Variants in PHACTR1 observed in about 807,000 individuals in gnomAD.
The protein encoded by PHACTR1 is phosphatase and actin regulator 1, also known as RPEL repeat containing 1.
In PHACTR1, 16 loss-of-function variants were observed where a neutral mutation model predicts 69.2. The observed-to-expected ratio is 0.23, with a 90% confidence interval of 0.16 to 0.35. PHACTR1 has a LOEUF of 0.35. Ranked by LOEUF, PHACTR1 falls within the 10% of genes least tolerant of loss-of-function variation. The pLI, the probability that PHACTR1 is intolerant of heterozygous loss-of-function variation, is 1.00. For missense variants in PHACTR1, 510 were observed against 734.7 expected, an observed-to-expected ratio of 0.69 and a Z score of 3.54; for synonymous variants, 312 against 284.5, an observed-to-expected ratio of 1.10 and a Z score of -0.97.
chr6:12,856,991 A>T (rs891222669), intron 4 of PHACTR1, among the ~76,000 whole-genome samples: 1 of 152,158 alleles, frequency 6.6e-6, no homozygotes, highest in Non-Finnish European at 1.5e-5. Context: ...CTCTTTTGAA[A>T]CGGGGGGTTA....
intron 5 of PHACTR1, among the ~76,000 whole-genome samples, chr6:13,063,881 G>C (rs1808084220): frequency 1.3e-5 from 2 of 152,112 alleles, no homozygotes; most frequent in African/African-American, 2.4e-5. Context: ...GCTCATGAAG[G>C]GTCTTATGAG....
In PHACTR1 at chr6:13,035,509, G is replaced by A. The variant is rs144777722; in HGVS notation, c.251-17856G>A. 5.3e-4 allele frequency among the ~76,000 whole-genome samples: 81 copies of A among 151,982 alleles called. 1 individual carries two copies. In the East Asian group the frequency reaches 0.015, roughly 28 times the overall value. ...AATTCCTACAACCTTATTTTAAAAT[G>A]CAAGCAATTCTCTAGGTAAAAATAA... is the stretch of plus-strand genomic sequence containing the variant. On this transcript the variant is annotated intron_variant, in intron 4 of 14. Transcript: ENST00000332995.
At chr6:12,754,755 T>G (rs9357486) in intron 4 of PHACTR1, among the ~76,000 whole-genome samples, 1 of 152,198 alleles carries the variant, frequency 6.6e-6, no homozygotes. Flanking sequence ...AAAAAATGAA[T>G]GGCTGCGTCT....
chr6:13,000,642 G>A (rs1183864904), intron 4 of PHACTR1, among the ~76,000 whole-genome samples: 22 of 53,670 alleles, frequency 4.1e-4, no homozygotes, highest in South Asian at 7.5e-4. Flanking sequence ...GGAAGGAAGG[G>A]GGGAGGGAGG....
At chr6:13,169,615 A>C (rs1760306650) in intron 6 of PHACTR1, among the ~76,000 whole-genome samples, 1 of 152,206 alleles carries the variant, frequency 6.6e-6, no homozygotes, top group Non-Finnish European at 1.5e-5. Flanking sequence ...AAGCCAACAC[A>C]AGAGACTGTT....
At chr6:13,150,558 A>G (rs1363303180) in intron 5 of PHACTR1, among the ~76,000 whole-genome samples, 4 of 152,150 alleles carry the variant, frequency 2.6e-5, no homozygotes, top group African/African-American at 4.8e-5. Context: ...TTTATTGAAT[A>G]TGTTTAGCAT....
chr6:12,927,287 C>T (rs1056980180), intron 4 of PHACTR1, among the ~76,000 whole-genome samples: 1 of 152,220 alleles, frequency 6.6e-6, no homozygotes, highest in African/African-American at 2.4e-5. Context: ...TCCCTGAGGA[C>T]ATCTGCCTCT....
At chr6:13,106,244 A>G (rs868199322) in intron 5 of PHACTR1, among the ~76,000 whole-genome samples, 2 of 152,156 alleles carry the variant, frequency 1.3e-5, no homozygotes, top group Middle Eastern at 6.8e-3. Context: ...ATAAATATTT[A>G]TTTCTTCCTT....
At position 12,969,620 on chromosome 6, in the gene PHACTR1, T is replaced by G. The variant is rs115464627; in HGVS notation, c.251-83745T>G. Among the ~76,000 whole-genome samples the G allele has an allele frequency of 9.5e-3, 1,439 of 152,160 alleles. 22 individuals carry two copies. Among genetic ancestry groups the G allele is most frequent in the African/African-American group, 0.032 (1,348 of 41,502 alleles). On this transcript the variant is annotated intron_variant, in intron 4 of 14. Transcript: ENST00000332995. ...AATACTTAGACACATAATTGAGAAC[T>G]CAGAATCTTGCACCAAAAAAATATC...
intron 4 of PHACTR1, among the ~76,000 whole-genome samples, chr6:12,986,077 C>T (rs933817975): frequency 4.6e-5 from 7 of 152,138 alleles, no homozygotes; most frequent in Non-Finnish European, 8.8e-5. Context: ...CTCAGGTGAT[C>T]CACCTGCCTC....
chr6:12,891,395 C>A (rs1784158689), intron 4 of PHACTR1, among the ~76,000 whole-genome samples: 1 of 152,090 alleles, frequency 6.6e-6, no homozygotes, highest in Non-Finnish European at 1.5e-5. Flanking sequence ...ACAAAGGAGA[C>A]CTCCCTAAAT....
intron 4 of PHACTR1, among the ~76,000 whole-genome samples, chr6:12,913,543 T>A (rs1396055325): frequency 6.6e-6 from 1 of 152,198 alleles, no homozygotes; most frequent in Non-Finnish European, 1.5e-5. Context: ...CCCTGCATGC[T>A]CTCTAGTACG....
chr6:12,735,704 T>G (rs1289082187), intron 3 of PHACTR1, among the ~76,000 whole-genome samples: 1 of 152,104 alleles, frequency 6.6e-6, no homozygotes, highest in Non-Finnish European at 1.5e-5. Flanking sequence ...TAAAGAAGAG[T>G]TAGAGCAAAG....
At chr6:12,821,317 G>A (rs886795997) in intron 4 of PHACTR1, among the ~76,000 whole-genome samples, 7 of 152,044 alleles carry the variant, frequency 4.6e-5, no homozygotes, top group African/African-American at 1.7e-4. Flanking sequence ...ACAAAAATTA[G>A]CCAGGCACAG....
chr6:13,170,360 A>T (rs947969985), intron 6 of PHACTR1, among the ~76,000 whole-genome samples: 1 of 152,168 alleles, frequency 6.6e-6, no homozygotes, highest in African/African-American at 2.4e-5. Context: ...TCCACCATGA[A>T]ACCACCCTTT....
rs531478831 is a variant in PHACTR1, at chr6:13,010,893, A to G, written c.251-42472A>G. Among the ~76,000 whole-genome samples, 13 of 152,212 alleles carry G rather than the reference A, an allele frequency of 8.5e-5. No individual in the cohort carries two copies. The South Asian group carries it at 2.7e-3, about 32-fold the overall frequency. On this transcript the variant is annotated intron_variant, in intron 4 of 14. Transcript: ENST00000332995. ...TCTTCACTGAGGCAGCATTCAGGGT[A>G]CAGAGCAGGGTCAAGAGGAAATGCG...
At chr6:13,252,054 TAAA>T (rs551938563) in intron 10 of PHACTR1, among the ~76,000 whole-genome samples, 1 of 134,762 alleles carries the variant, frequency 7.4e-6, no homozygotes, top group African/African-American at 2.7e-5. Context: ...GATCCTGCCT[TAAA>T]AAAAAAAAAA....
In PHACTR1 at chr6:12,812,481, G is replaced by C. The variant is rs145943135; in HGVS notation, c.250+62691G>C. 1.5e-3 allele frequency among the ~76,000 whole-genome samples: 226 copies of C among 152,236 alleles called. 1 individual carries two copies. The highest frequency in any genetic ancestry group is 4.4e-3 in the African/African-American group (184 of 41,544). On this transcript the variant is annotated intron_variant, in intron 4 of 14. Coordinates refer to ENST00000332995, the MANE Select transcript of PHACTR1 (RefSeq NM_030948.6). Reference sequence around the variant, plus strand: ...CCTATGTTGCTGATCTGAAAACTAAGGTTAAAAGAAGCGAAGTGTCTAGCC... The same window carrying C: ...CCTATGTTGCTGATCTGAAAACTAACGTTAAAAGAAGCGAAGTGTCTAGCC...
intron 5 of PHACTR1, among the ~76,000 whole-genome samples, chr6:13,067,541 A>G (rs1808841867): frequency 6.6e-6 from 1 of 152,234 alleles, no homozygotes; most frequent in Non-Finnish European, 1.5e-5. Flanking sequence ...GTCTTTAAAG[A>G]GGAAAGTCAA....
Sources: gnomAD v4.1 joint callset for allele counts (sites outside exome capture counted in the v4.1 genomes callset) on GRCh38, gnomAD v4.1.1 for gene constraint, MANE v1.5 for transcripts, NCBI Gene and HGNC (gene_info 2026-07-23, HGNC 2026-07-21) for gene names.